The following MRE11 variants were observed in gnomAD, a reference collection of about 807,000 sequenced individuals.
The protein encoded by MRE11 is double-strand break repair protein MRE11.
Under a neutral mutation model 91.7 loss-of-function variants are expected in MRE11, and 62 were observed. The observed-to-expected ratio is 0.68, with a 90% CI of 0.55 to 0.84. MRE11 has a LOEUF of 0.84. Ranked by LOEUF, MRE11 falls within the 40% of genes least tolerant of loss-of-function variation. MRE11 has a pLI of 0.00. For missense variants in MRE11, 796 were observed against 852.9 expected, an observed-to-expected ratio of 0.93 and a Z score of 0.83; for synonymous variants, 273 against 271.4, an observed-to-expected ratio of 1.01 and a Z score of -0.06.
intron 14 of MRE11, among the ~76,000 whole-genome samples, chr11:94,448,102 C>G (rs1473545442): frequency 6.6e-6 from 1 of 151,922 alleles, no homozygotes; most frequent in Non-Finnish European, 1.5e-5. Context: ...GAATCGGCTC[C>G]TAGGAAATAA....
chr11:94,476,204 G>C lies in MRE11; in HGVS notation c.659+85C>G, dbSNP rs994884824. 10 of 806,506 alleles carry C rather than the reference G, an allele frequency of 1.2e-5. No homozygotes were observed. In the African/African-American group the frequency reaches 1.7e-4, roughly 14 times the overall value. The allele number at this position is 806,506 out of a possible 1,614,324, so 50.0% of individuals were successfully genotyped here. On this transcript the variant is annotated intron_variant, in intron 7 of 19. Transcript: ENST00000323929. The stretch of plus-strand genomic sequence containing the variant: ...GCATTGACAACCTTGAAAGATTAAG[G>C]GCATTTCACTAAAATAGGTAAGCTC...
At chr11:94,431,842 G>A (rs186402823) in intron 18 of MRE11, among the ~76,000 whole-genome samples, 1 of 152,238 alleles carries the variant, frequency 6.6e-6, no homozygotes, top group East Asian at 1.9e-4. Context: ...AAAGAAATCG[G>A]CAGACATTTA....
intron 6 of MRE11, among the ~76,000 whole-genome samples, chr11:94,477,875 CA>C (rs1420462354): frequency 6.6e-6 from 1 of 152,138 alleles, no homozygotes; most frequent in African/African-American, 2.4e-5. Flanking sequence ...CGCTTCTTTC[CA>C]AAAGCCCAGG....
At chr11:94,508,534 AACAC>A in the MRE11 span, among the ~76,000 whole-genome samples, 1 of 152,064 alleles carries the variant, frequency 6.6e-6, no homozygotes, top group African/African-American at 2.4e-5. Context: ...CCCTCACACA[AACAC>A]ACACACACTA....
rs115222087 is a variant in MRE11 at position 94,482,201 on chromosome 11, C to T, written c.315-2440G>A. ...GCTGGTCACTACTCTAGCCATTTTT[C>T]TTATCATCTCAATCTTCTCAACTCT... On this transcript the variant is annotated intron_variant, in intron 4 of 19. Coordinates refer to ENST00000323929, the MANE Select transcript of MRE11 (RefSeq NM_005591.4). 2.8e-3 allele frequency among the ~76,000 whole-genome samples: 431 copies of T among 152,266 alleles called. 2 individuals carry two copies. The highest frequency in any genetic ancestry group is 0.01 in the African/African-American group (417 of 41,540).
intron 2 of MRE11, among the ~76,000 whole-genome samples, chr11:94,491,401 A>T (rs899151768): frequency 2.6e-5 from 4 of 152,204 alleles, no homozygotes; most frequent in Non-Finnish European, 5.9e-5. Context: ...AATAATTTAC[A>T]TTCAGGGCCT....
At chr11:94,457,174 T>C (rs13447680) in intron 13 of MRE11, among the ~76,000 whole-genome samples, 1,935 of 152,302 alleles carry the variant, frequency 0.013, 22 homozygotes, top group Non-Finnish European at 0.019. Context: ...AAGAGTCTGG[T>C]ATCCTGAAAT....
At chr11:94,430,295 T>G (rs574521453) in intron 18 of MRE11, among the ~76,000 whole-genome samples, 27 of 152,268 alleles carry the variant, frequency 1.8e-4, no homozygotes, top group African/African-American at 6.3e-4. Context: ...GTTAATATGC[T>G]TAAACACTTA....
At chr11:94,443,373 A>G (rs146316416) in intron 16 of MRE11, among the ~76,000 whole-genome samples, 7 of 152,284 alleles carry the variant, frequency 4.6e-5, no homozygotes, top group Non-Finnish European at 8.8e-5. Flanking sequence ...TATCTTTTTA[A>G]AGCCTGTTTC....
the MRE11 span, among the ~76,000 whole-genome samples, chr11:94,509,798 T>A: frequency 6.6e-6 from 1 of 152,224 alleles, no homozygotes; most frequent in Non-Finnish European, 1.5e-5. Flanking sequence ...TCTTCCTTTT[T>A]TATTTTTTTA....
chr11:94,456,165 G>T, intron 14 of MRE11, 111 bp downstream of exon 14: 2 of 975,338 alleles, frequency 2.1e-6, no homozygotes, highest in Non-Finnish European at 1.6e-6. Flanking sequence ...GCCAACCCCA[G>T]CTCACTCCTA....
intron 4 of MRE11, chr11:94,483,819 G>A (rs1947071008): frequency 6.6e-6 from 1 of 151,876 alleles, no homozygotes; most frequent in South Asian, 2.1e-4. Flanking sequence ...CTACAGCATA[G>A]GAAAGAGAGC....
intron 9 of MRE11, among the ~76,000 whole-genome samples, chr11:94,468,900 C>T (rs1379040869): frequency 6.6e-6 from 1 of 152,028 alleles, no homozygotes; most frequent in African/African-American, 2.4e-5. Context: ...ATATGATCTC[C>T]TAGGTCAATT....
rs1040883420 is a variant in MRE11 at position 94,420,068 on chromosome 11, C to T, written c.*57G>A. 1.0e-5 allele frequency: 14 copies of T among 1,370,154 alleles called. 1 individual carries two copies. In the South Asian group the frequency reaches 1.1e-4, roughly 10 times the overall value. The allele number at this position is 1,370,154 out of a possible 1,614,324, so 84.9% of individuals were successfully genotyped here. Reference sequence around the variant, plus strand: ...AAAATCTTAAACTGTAAACTCTTAGCTTGTAACATTTTCATTTTTCCTGTA... The same window carrying T: ...AAAATCTTAAACTGTAAACTCTTAGTTTGTAACATTTTCATTTTTCCTGTA... On this transcript the variant is annotated 3_prime_UTR_variant, in exon 20 of 20. Transcript: ENST00000323929.
intron 16 of MRE11, among the ~76,000 whole-genome samples, chr11:94,440,826 A>G (rs1945760828): frequency 6.6e-6 from 1 of 152,154 alleles, no homozygotes; most frequent in African/African-American, 2.4e-5. Context: ...AAATGCAACT[A>G]TAGTCTTTTA....
At chr11:94,485,048 C>A (rs1384414669) in intron 4 of MRE11, among the ~76,000 whole-genome samples, 1 of 152,144 alleles carries the variant, frequency 6.6e-6, no homozygotes, top group African/African-American at 2.4e-5. Flanking sequence ...CCTGTCTCTA[C>A]TAAAAATACA....
chr11:94,477,503 A>G (rs1422885200), intron 6 of MRE11, among the ~76,000 whole-genome samples: 5 of 152,318 alleles, frequency 3.3e-5, no homozygotes, highest in East Asian at 1.9e-4. Flanking sequence ...GCTACTTTAT[A>G]TACGGATTAG....
intron 11 of MRE11, among the ~76,000 whole-genome samples, chr11:94,463,070 A>C (rs1043462977): frequency 6.6e-6 from 1 of 152,232 alleles, no homozygotes; most frequent in African/African-American, 2.4e-5. Context: ...TAAAGAACTT[A>C]AACAAATTTA....
chr11:94,472,081 T>C (rs1032349148), intron 7 of MRE11, among the ~76,000 whole-genome samples: 2 of 152,046 alleles, frequency 1.3e-5, no homozygotes, highest in East Asian at 1.9e-4. Context: ...ATTCTATCAA[T>C]AGTAGAAATC....
Sources: allele counts gnomAD v4.1 joint callset (sites outside exome capture counted in the v4.1 genomes callset), GRCh38; gene constraint gnomAD v4.1.1; transcripts MANE v1.5; gene names NCBI Gene and HGNC (gene_info 2026-07-23, HGNC 2026-07-21).